Variants in AGBL1 observed in about 807,000 individuals in gnomAD.
AGBL1 encodes AGBL carboxypeptidase 1, also known as cytosolic carboxypeptidase 4.
In AGBL1, 130 loss-of-function variants were observed where a neutral mutation model predicts 118.9. That is an observed-to-expected ratio of 1.09 (90% CI 0.95 to 1.26). AGBL1 has a LOEUF of 1.26. Ranked by LOEUF, AGBL1 falls within the 50% of genes most tolerant of loss-of-function variation. The pLI, the probability that AGBL1 is intolerant of heterozygous loss-of-function variation, is 0.00. For synonymous variants in AGBL1, 555 were observed against 478.9 expected (o/e 1.16, Z -2.08); for missense variants, 1,584 against 1,298.1 (o/e 1.22, Z -3.38).
At chr15:86,259,697 T>C (rs1034455955) in intron 9 of AGBL1, among the ~76,000 whole-genome samples, 3 of 152,358 alleles carry the variant, frequency 2.0e-5, no homozygotes, top group Non-Finnish European at 1.5e-5. Context: ...ATTGGATCTT[T>C]GCTGTGGCTT....
rs2084057532 is a variant in AGBL1 at position 86,574,604 on chromosome 15, T to C, written c.2994+20067T>C. Among the ~76,000 whole-genome samples, 5 of 117,516 alleles carry C rather than the reference T, an allele frequency of 4.3e-5. No homozygotes were observed. The Admixed American group carries it at 5.4e-4, about 13-fold the overall frequency. The allele number at this position is 117,516 out of a possible 152,430, so 77.1% of individuals were successfully genotyped here. On this transcript the variant is annotated intron_variant, in intron 21 of 22. Transcript: ENST00000614907. ...TTTTTTTTTTTTTTTTGTGATGAGGTTTAGCTCTTGTCACCCAGGCTGGAG... is the reference window on the plus strand; with the variant it reads ...TTTTTTTTTTTTTTTTGTGATGAGGCTTAGCTCTTGTCACCCAGGCTGGAG...
At chr15:86,397,628 G>T in intron 18 of AGBL1, 82 bp downstream of exon 18, 3 of 1,312,966 alleles carry the variant, frequency 2.3e-6, no homozygotes, top group Non-Finnish European at 3.2e-6. Context: ...GGCGTGATTG[G>T]AGAGGCCTCG....
intron 1 of AGBL1, among the ~76,000 whole-genome samples, chr15:86,104,300 G>A (rs1231378221): frequency 1.3e-5 from 2 of 152,190 alleles, no homozygotes; most frequent in African/African-American, 2.4e-5. Flanking sequence ...GAATGTTTGG[G>A]TGAGGACAGC....
At chr15:86,671,812 C>G (rs1486980710) in intron 21 of AGBL1, among the ~76,000 whole-genome samples, 3 of 152,180 alleles carry the variant, frequency 2.0e-5, no homozygotes, top group African/African-American at 4.8e-5. Context: ...CACGTCCACT[C>G]ATTTAGAGTC....
chr15:86,398,996 A>G (rs1217793255), intron 18 of AGBL1, among the ~76,000 whole-genome samples: 1 of 151,888 alleles, frequency 6.6e-6, no homozygotes, highest in Admixed American at 6.6e-5. Flanking sequence ...ACTTCATTTT[A>G]TTTACTTTTT....
chr15:86,114,223 T>C (rs983206464), intron 1 of AGBL1, among the ~76,000 whole-genome samples: 20 of 152,236 alleles, frequency 1.3e-4, no homozygotes, highest in Non-Finnish European at 1.9e-4. Context: ...ATTAAGATGA[T>C]GTTATATTTA....
At chr15:86,590,178 G>C (rs1181461783) in intron 21 of AGBL1, among the ~76,000 whole-genome samples, 1 of 152,142 alleles carries the variant, frequency 6.6e-6, no homozygotes, top group Non-Finnish European at 1.5e-5. Context: ...GGTTGTATTG[G>C]TAAAACACAT....
intron 18 of AGBL1, among the ~76,000 whole-genome samples, chr15:86,433,266 C>CTATTTTTTTTTTTT (rs2081959766): frequency 1.3e-5 from 1 of 74,886 alleles, no homozygotes; most frequent in Non-Finnish European, 2.5e-5. Context: ...CCTCCTTCTT[C>CTATTTTTTTTTTTT]TTTTTTTTTT....
chr15:86,781,913 A>G (rs2078342459), intron 22 of AGBL1, among the ~76,000 whole-genome samples: 1 of 151,978 alleles, frequency 6.6e-6, no homozygotes, highest in Admixed American at 6.5e-5. Flanking sequence ...GCCTTGTTAT[A>G]GCTATTAACA....
chr15:86,638,683 T>G (rs1362637395), intron 21 of AGBL1, among the ~76,000 whole-genome samples: 2 of 152,114 alleles, frequency 1.3e-5, no homozygotes, highest in Non-Finnish European at 2.9e-5. Flanking sequence ...AGTGGGGAGA[T>G]GAGGAACTTC....
At chr15:86,104,174 T>C (rs73460848) in intron 1 of AGBL1, among the ~76,000 whole-genome samples, 3,033 of 151,712 alleles carry the variant, frequency 0.02, 96 homozygotes, top group African/African-American at 0.069. Context: ...AGATAACACA[T>C]TTTGGTATTG....
chr15:86,600,772 C>T (rs1027305275), intron 21 of AGBL1, among the ~76,000 whole-genome samples: 4 of 152,102 alleles, frequency 2.6e-5, no homozygotes, highest in African/African-American at 9.7e-5. Flanking sequence ...TATGGCTAAG[C>T]AGTATCAAAA....
intron 24 of AGBL1, among the ~76,000 whole-genome samples, chr15:86,999,310 C>T (rs1198316353): frequency 1.1e-4 from 17 of 150,816 alleles, no homozygotes; most frequent in Non-Finnish European, 1.5e-4. Flanking sequence ...CATGCTGGTG[C>T]GCTGCACCCA....
chr15:86,436,704 T>G (rs575759200), intron 18 of AGBL1, among the ~76,000 whole-genome samples: 64 of 152,322 alleles, frequency 4.2e-4, no homozygotes, highest in African/African-American at 1.3e-3. Context: ...GATTTCAAAT[T>G]TATTATTTTG....
intron 18 of AGBL1, among the ~76,000 whole-genome samples, chr15:86,474,805 C>A (rs1318303574): frequency 6.6e-6 from 1 of 152,186 alleles, no homozygotes; most frequent in Non-Finnish European, 1.5e-5. Context: ...CCTTGAGTAG[C>A]CTAACTGGGA....
At chr15:86,151,260 C>A (rs1456388126) in intron 3 of AGBL1, among the ~76,000 whole-genome samples, 2 of 149,852 alleles carry the variant, frequency 1.3e-5, no homozygotes, top group African/African-American at 4.9e-5. Context: ...TGTAACTAAG[C>A]TGCACATTGT....
At chr15:86,816,736 G>A (rs2078862981) in intron 22 of AGBL1, among the ~76,000 whole-genome samples, 2 of 152,256 alleles carry the variant, frequency 1.3e-5, no homozygotes, top group South Asian at 2.1e-4. Flanking sequence ...TGGGAAACTG[G>A]CCCCCTCTCT....
In AGBL1 at chr15:86,211,941, G is replaced by A. The variant is rs371088346; in HGVS notation, c.489-12973G>A. ...TGTGTTGTTCACGCTGGGAACTGCAGACTAGAGCTGTTCCTATTCGGCCAT... is the reference window on the plus strand; with the variant it reads ...TGTGTTGTTCACGCTGGGAACTGCAAACTAGAGCTGTTCCTATTCGGCCAT... On this transcript the variant is annotated intron_variant, in intron 5 of 22. Transcript: ENST00000614907. Among the ~76,000 whole-genome samples the A allele has an allele frequency of 1.9e-4, 29 of 152,302 alleles. No individual in the cohort carries two copies. In the South Asian group the frequency reaches 6.0e-3, roughly 32 times the overall value.
chr15:86,825,474 TA>T (rs1261841177), intron 22 of AGBL1, among the ~76,000 whole-genome samples: 2 of 81,204 alleles, frequency 2.5e-5, no homozygotes, highest in Non-Finnish European at 4.9e-5. Context: ...ATATACTAAA[TA>T]AAAACTCTTA....
Sources: gnomAD v4.1 joint callset for allele counts (sites outside exome capture counted in the v4.1 genomes callset) on GRCh38, gnomAD v4.1.1 for gene constraint, MANE v1.5 for transcripts, NCBI Gene and HGNC (gene_info 2026-07-23, HGNC 2026-07-21) for gene names.